KCNMA1: variants seen among roughly 807,000 people sequenced by gnomAD.
KCNMA1 encodes the protein potassium calcium-activated channel subfamily M alpha 1.
A neutral mutation model predicts 140.0 loss-of-function variants in KCNMA1; 29 were observed. That is an observed-to-expected ratio of 0.21 (90% CI 0.15 to 0.28). The LOEUF (loss-of-function observed/expected upper bound fraction) is 0.28. Among genes scored for constraint, KCNMA1 ranks in the 10% least tolerant of loss-of-function variants. KCNMA1 has a pLI of 1.00. For synonymous variants in KCNMA1, 612 were observed against 611.9 expected (o/e 1.00, Z 0.00); for missense variants, 880 against 1,602.2 (o/e 0.55, Z 7.70).
chr10:77,269,952 C>T (rs1033389105), intron 2 of KCNMA1, among the ~76,000 whole-genome samples: 8 of 152,196 alleles, frequency 5.3e-5, no homozygotes, highest in African/African-American at 1.9e-4. Flanking sequence ...GAGCCAGACC[C>T]AGACAATGAT....
intron 1 of KCNMA1, among the ~76,000 whole-genome samples, chr10:77,597,818 T>C (rs1476694055): frequency 6.6e-6 from 1 of 152,174 alleles, no homozygotes; most frequent in Non-Finnish European, 1.5e-5. Context: ...CAAGTTCCTT[T>C]TGGTCTCTGT....
chr10:77,516,580 A>G lies in KCNMA1; in HGVS notation c.379-112557T>C, dbSNP rs533254303. Among the ~76,000 whole-genome samples the G allele has an allele frequency of 1.8e-3, 278 of 152,354 alleles. 1 individual carries two copies. The highest frequency in any genetic ancestry group is 4.9e-3 in the Admixed American group (75 of 15,308). The stretch of plus-strand genomic sequence containing the variant: ...TACCCGAATGAATTTAAGAATGAGA[A>G]AGTAAGATACGTTCCAAAAGCTCTG... On this transcript the variant is annotated intron_variant, in intron 1 of 27. Coordinates refer to ENST00000286628, the MANE Select transcript of KCNMA1 (RefSeq NM_001161352.2).
At chr10:77,544,936 T>C (rs2061062969) in intron 1 of KCNMA1, among the ~76,000 whole-genome samples, 2 of 152,168 alleles carry the variant, frequency 1.3e-5, no homozygotes, top group African/African-American at 2.4e-5. Context: ...TCTTCCAACA[T>C]AGGAAGACAA....
chr10:77,412,418 C>T (rs2096640146), intron 1 of KCNMA1, among the ~76,000 whole-genome samples: 1 of 152,212 alleles, frequency 6.6e-6, no homozygotes, highest in South Asian at 2.1e-4. Context: ...GACCCAGCAG[C>T]CCCACATGCT....
intron 1 of KCNMA1, among the ~76,000 whole-genome samples, chr10:77,518,480 C>T (rs1157982779): frequency 2.0e-5 from 3 of 152,178 alleles, no homozygotes; most frequent in African/African-American, 7.2e-5. Flanking sequence ...TACATGAAGT[C>T]ATGAACACTC....
intron 3 of KCNMA1, chr10:77,249,443 C>T (rs895826169): frequency 4.0e-5 from 6 of 151,874 alleles, no homozygotes; most frequent in African/African-American, 1.5e-4. Flanking sequence ...ATCTAAAGAG[C>T]ATTTTATTTC....
chr10:77,423,298 A>T (rs1312329624), intron 1 of KCNMA1, among the ~76,000 whole-genome samples: 2 of 152,142 alleles, frequency 1.3e-5, no homozygotes, highest in Non-Finnish European at 2.9e-5. Flanking sequence ...TCACTGAGAG[A>T]CCCTGGCAAG....
At chr10:77,249,661 A>T (rs532713340) in intron 3 of KCNMA1, 1 of 152,220 alleles carries the variant, frequency 6.6e-6, no homozygotes, top group Non-Finnish European at 1.5e-5. Flanking sequence ...TCTGCACCCC[A>T]CGACATGTAA....
intron 1 of KCNMA1, among the ~76,000 whole-genome samples, chr10:77,560,989 G>C (rs2066181280): frequency 6.6e-6 from 1 of 152,200 alleles, no homozygotes; most frequent in Admixed American, 6.5e-5. Context: ...GGAAAAATGA[G>C]GGAGTGAGGG....
At chr10:77,146,089 T>C (rs557028564) in intron 5 of KCNMA1, among the ~76,000 whole-genome samples, 6 of 152,226 alleles carry the variant, frequency 3.9e-5, no homozygotes, top group Non-Finnish European at 8.8e-5. Flanking sequence ...TGTGATTTGC[T>C]CTAAATCTAT....
At chr10:77,026,982 A>G (rs11001975) in intron 16 of KCNMA1, among the ~76,000 whole-genome samples, 3,327 of 152,344 alleles carry the variant, frequency 0.022, 55 homozygotes, top group Admixed American at 0.032. Flanking sequence ...AGGATCAAAA[A>G]TATGAACTAT....
At chr10:77,381,664 G>C (rs951483168) in intron 2 of KCNMA1, among the ~76,000 whole-genome samples, 4 of 152,058 alleles carry the variant, frequency 2.6e-5, no homozygotes, top group African/African-American at 9.7e-5. Flanking sequence ...ACATTCCTTG[G>C]GGTTCCCAGC....
chr10:77,154,703 T>C (rs2098462991), intron 5 of KCNMA1, among the ~76,000 whole-genome samples: 2 of 152,236 alleles, frequency 1.3e-5, no homozygotes, highest in African/African-American at 4.8e-5. Flanking sequence ...AAGCACCTGC[T>C]GGTGCCTGGC....
intron 23 of KCNMA1, among the ~76,000 whole-genome samples, chr10:76,935,660 C>G (rs1362277409): frequency 6.6e-6 from 1 of 152,152 alleles, no homozygotes; most frequent in East Asian, 1.9e-4. Flanking sequence ...ACCAGGCACA[C>G]AAATTTTGAG....
intron 1 of KCNMA1, among the ~76,000 whole-genome samples, chr10:77,481,036 C>T (rs1318437360): frequency 2.0e-5 from 3 of 150,866 alleles, no homozygotes; most frequent in East Asian, 2.0e-4. Flanking sequence ...AGGAGAATCT[C>T]GAACCTGGAA....
At chr10:77,014,427 T>C (rs745509956) in intron 17 of KCNMA1, among the ~76,000 whole-genome samples, 15 of 144,162 alleles carry the variant, frequency 1.0e-4, no homozygotes, top group Non-Finnish European at 2.3e-4. Flanking sequence ...GAGCAAGACA[T>C]TGTCTCAAAA....
intron 2 of KCNMA1, among the ~76,000 whole-genome samples, chr10:77,311,788 T>A (rs1028243189): frequency 5.3e-5 from 8 of 152,166 alleles, no homozygotes; most frequent in Non-Finnish European, 1.2e-4. Flanking sequence ...CTGGAGTGGA[T>A]CTGCCTCTCA....
downstream of KCNMA1, chr10:76,875,892 G>C (rs988931209): frequency 7.9e-5 from 12 of 152,618 alleles, no homozygotes; most frequent in Non-Finnish European, 1.6e-4. Context: ...TGCTGAGTAG[G>C]CTAGTGATTA....
intron 2 of KCNMA1, among the ~76,000 whole-genome samples, chr10:77,319,690 T>C (rs1207421113): frequency 6.6e-6 from 1 of 152,224 alleles, no homozygotes; most frequent in Non-Finnish European, 1.5e-5. Context: ...CAATGTAACA[T>C]GAGCCACATG....
Sources: allele counts gnomAD v4.1 joint callset (sites outside exome capture counted in the v4.1 genomes callset), GRCh38; gene constraint gnomAD v4.1.1; transcripts MANE v1.5; gene names NCBI Gene and HGNC (gene_info 2026-07-23, HGNC 2026-07-21).